CTNNBL1: variants seen among roughly 807,000 people sequenced by gnomAD.
CTNNBL1 encodes the protein catenin beta like 1.
In CTNNBL1, 31 loss-of-function variants were observed where a neutral mutation model predicts 72.7. The ratio of observed to expected loss-of-function variants is 0.43; its 90% CI spans 0.32 to 0.58. The LOEUF (loss-of-function observed/expected upper bound fraction) is 0.58, where lower values mean the gene tolerates loss of function less well. CTNNBL1 is among the 20% of genes least tolerant of loss of function. The probability of loss-of-function intolerance (pLI) is 0.08; values close to 1 mark genes in which losing one functional copy is unlikely to be tolerated. For synonymous variants in CTNNBL1, 240 were observed against 267.3 expected (o/e 0.90, Z 1.00); for missense variants, 534 against 725.1 (o/e 0.74, Z 3.03).
chr20:37,861,989 G>A (rs1487908964), intron 15 of CTNNBL1, among the ~76,000 whole-genome samples: 1 of 152,168 alleles, frequency 6.6e-6, no homozygotes, highest in Non-Finnish European at 1.5e-5. Flanking sequence ...ATAGGGGCTG[G>A]AAATCTCGTG....
At chr20:37,859,605 GTTT>G (rs35433241) in intron 13 of CTNNBL1, among the ~76,000 whole-genome samples, 2 of 147,032 alleles carry the variant, frequency 1.4e-5, no homozygotes, top group Non-Finnish European at 3.0e-5. Context: ...CCGTCAGCTT[GTTT>G]TTTTTTTTTT....
chr20:37,864,748 G>T (rs939168495), intron 15 of CTNNBL1, among the ~76,000 whole-genome samples: 9 of 152,204 alleles, frequency 5.9e-5, no homozygotes, highest in Non-Finnish European at 1.2e-4. Context: ...ATTTATTTCT[G>T]TGGTGCTCGG....
chr20:37,871,868 A>C, intron 15 of CTNNBL1, 57 bp from the exon 16 acceptor site: 1 of 1,480,146 alleles, frequency 6.8e-7, no homozygotes, highest in East Asian at 2.3e-5. Flanking sequence ...GAAGCGACGC[A>C]GCCACGGTGG....
At position 37,779,197 on chromosome 20, in the gene CTNNBL1, GAC is replaced by G. The variant is rs768469414; in HGVS notation, c.897_898del (p.His299GlnfsTer6). 2.5e-6 allele frequency: 4 copies of G among 1,613,118 alleles called. No individual in the cohort carries two copies. In the Admixed American group the frequency reaches 5.0e-5, roughly 20 times the overall value. ...GTTTTTGCTTGACAGGTGTTTAAAA[GAC>G]ACAATCCCAGCACGGCTGAGGAGCA... On this transcript the variant is annotated frameshift_variant, in exon 10 of 16. Transcript: ENST00000361383. LOFTEE classifies it high-confidence loss of function.
In CTNNBL1 at chr20:37,782,009, T is replaced by G. The variant is rs552999943; in HGVS notation, c.1031+2674T>G. On this transcript the variant is annotated intron_variant, in intron 10 of 15. Transcript: ENST00000361383. ...TTTGTGACCTTCTCACCCTCAGTTT[T>G]TCATCTGAAAACCGGCACTAATAAT... 4.1e-4 allele frequency among the ~76,000 whole-genome samples: 62 copies of G among 152,302 alleles called. 1 individual carries two copies. The South Asian group carries it at 0.012, about 31-fold the overall frequency.
intron 10 of CTNNBL1, among the ~76,000 whole-genome samples, chr20:37,790,479 A>G (rs568295884): frequency 6.6e-6 from 1 of 152,310 alleles, no homozygotes; most frequent in African/African-American, 2.4e-5. Flanking sequence ...GCACATGCAG[A>G]TCTTGCTTGT....
Position 37,818,733 on chromosome 20 carries a change from A to G in CTNNBL1, c.1213+15685A>G, listed in dbSNP as rs1196765924. On this transcript the variant is annotated intron_variant, in intron 11 of 15. Transcript: ENST00000361383. ...AATCACAGGAATCAGAATAACTTCA[A>G]AAAGAGCAGCACCAGAGAAAATGAA... 3.3e-5 allele frequency among the ~76,000 whole-genome samples: 5 copies of G among 152,222 alleles called. No individual in the cohort carries two copies. In the East Asian group the frequency reaches 9.6e-4, roughly 29 times the overall value.
chr20:37,780,439 T>C (rs868243006), intron 10 of CTNNBL1, among the ~76,000 whole-genome samples: 2 of 152,246 alleles, frequency 1.3e-5, no homozygotes, highest in African/African-American at 2.4e-5. Context: ...AGCCTGTCTT[T>C]GGGTGTATAT....
chr20:37,838,806 G>A (rs1169472055), intron 11 of CTNNBL1, among the ~76,000 whole-genome samples: 5 of 152,216 alleles, frequency 3.3e-5, no homozygotes, highest in African/African-American at 9.6e-5. Flanking sequence ...AGGATTGATT[G>A]AGCCTTAGAG....
intron 7 of CTNNBL1, among the ~76,000 whole-genome samples, chr20:37,775,947 A>G (rs537561019): frequency 6.6e-6 from 1 of 152,362 alleles, no homozygotes; most frequent in African/African-American, 2.4e-5. Flanking sequence ...CTTTTAAAAT[A>G]TAATAGCAGT....
In CTNNBL1 at chr20:37,694,168, AG is replaced by A. The variant is rs746774856; in HGVS notation, c.30+19del. 575 of 1,585,266 alleles carry A rather than the reference AG, an allele frequency of 3.6e-4. No individual in the cohort carries two copies. Among genetic ancestry groups the A allele is most frequent in the Non-Finnish European group, 4.7e-4 (551 of 1,168,912 alleles). On this transcript the variant is annotated intron_variant, in intron 1 of 15. Transcript: ENST00000361383. ...GAGCTACCAGGTATGAGGGGCAGGG[AG>A]GGCCGAGCGACCGCGTTCTCACCTG...
chr20:37,694,076 T>A lies in CTNNBL1; in HGVS notation c.-47T>A. On this transcript the variant is annotated 5_prime_UTR_variant, in exon 1 of 16. Transcript: ENST00000361383. ...GGAGCCGCGGCTGACGGGCCCGCGG[T>A]CTGGGCGTGAGTGCAGGGAAGTGGA... 2 of 1,590,098 alleles carry A rather than the reference T, an allele frequency of 1.3e-6. No individual in the cohort carries two copies. Among genetic ancestry groups the A allele is most frequent in the Non-Finnish European group, 1.7e-6 (2 of 1,170,210 alleles).
intron 10 of CTNNBL1, among the ~76,000 whole-genome samples, chr20:37,791,924 A>G (rs761199406): frequency 1.6e-4 from 25 of 152,334 alleles, no homozygotes; most frequent in South Asian, 2.1e-4. Flanking sequence ...AGACCTACAC[A>G]TCTTACAGAT....
intron 1 of CTNNBL1, among the ~76,000 whole-genome samples, chr20:37,713,564 A>G (rs2072958423): frequency 1.3e-5 from 2 of 152,216 alleles, no homozygotes; most frequent in Admixed American, 1.3e-4. Flanking sequence ...AGCTTTTCTC[A>G]GGGGCATGAC....
At chr20:37,871,794 G>T (rs1019695441) in intron 15 of CTNNBL1, 131 bp from the exon 16 acceptor site, 1 of 704,498 alleles carries the variant, frequency 1.4e-6, no homozygotes. Context: ...CAAGGAATTT[G>T]GCTACAGTGG....
chr20:37,837,757 C>T (rs768049662), intron 11 of CTNNBL1, among the ~76,000 whole-genome samples: 2 of 152,192 alleles, frequency 1.3e-5, no homozygotes, highest in African/African-American at 2.4e-5. Flanking sequence ...ACTTTTATAT[C>T]GATAGCCTGC....
chr20:37,833,048 T>C (rs2072225037), intron 11 of CTNNBL1, among the ~76,000 whole-genome samples: 1 of 152,206 alleles, frequency 6.6e-6, no homozygotes, highest in South Asian at 2.1e-4. Flanking sequence ...TCCGTGTGTA[T>C]CAGTCTCAAA....
In CTNNBL1 at chr20:37,860,289, C is replaced by T. The variant is rs2072480756; in HGVS notation, c.1548C>T (p.His516=). 1 of 1,614,042 alleles carries T rather than the reference C, an allele frequency of 6.2e-7. No individual in the cohort carries two copies. ...ANVPQIRQRV[H]QILNMRGSSI... ...CTTATTAGATTCGCCAGAGGGTTCA[C>T]CAGATCCTAAACATGCGAGGAAGCT... The change falls in exon 15 of 16, where the codon CAC becomes CAT. Residue 516 remains histidine (H), a synonymous_variant. Transcript: ENST00000361383.
intron 13 of CTNNBL1, among the ~76,000 whole-genome samples, chr20:37,855,164 TGATGTCTCA>T (rs1213981024): frequency 6.6e-5 from 10 of 151,578 alleles, no homozygotes; most frequent in African/African-American, 2.4e-4. Flanking sequence ...TTAGTGATAC[TGATGTCTCA>T]CTGTTGTTCT....
Sources: allele counts gnomAD v4.1 joint callset (sites outside exome capture counted in the v4.1 genomes callset), GRCh38; gene constraint gnomAD v4.1.1; transcripts MANE v1.5; gene names NCBI Gene and HGNC (gene_info 2026-07-23, HGNC 2026-07-21).